The following NCKAP5 variants were observed in gnomAD, a reference collection of about 807,000 sequenced individuals.
NCKAP5 encodes the protein nck-associated protein 5.
In NCKAP5, 92 loss-of-function variants were observed where a neutral mutation model predicts 167.0. The ratio of observed to expected loss-of-function variants is 0.55; its 90% CI spans 0.47 to 0.66. NCKAP5 has a LOEUF of 0.66. Among genes scored for constraint, NCKAP5 ranks in the 30% least tolerant of loss-of-function variants. NCKAP5 has a pLI of 0.00. For missense variants in NCKAP5, 2,378 were observed against 2,315.0 expected (o/e 1.03, Z -0.56); for synonymous variants, 891 against 877.4 (o/e 1.02, Z -0.27).
At chr2:133,655,998 C>T in the NCKAP5 span, among the ~76,000 whole-genome samples, 14 of 152,310 alleles carry the variant, frequency 9.2e-5, no homozygotes, top group South Asian at 2.7e-3. Context: ...GCTAGCTTTC[C>T]TCCACTCTGT....
the NCKAP5 span, among the ~76,000 whole-genome samples, chr2:133,641,498 A>T: frequency 1.3e-5 from 2 of 152,244 alleles, no homozygotes; most frequent in Admixed American, 6.5e-5. Flanking sequence ...GATTTTGGAA[A>T]TAGGATTTCT....
chr2:133,379,545 T>C (rs2150943174), intron 3 of NCKAP5, among the ~76,000 whole-genome samples: 1 of 152,310 alleles, frequency 6.6e-6, no homozygotes, highest in East Asian at 1.9e-4. Context: ...AGGGTAAGAA[T>C]TCAGTAAAAC....
chr2:133,150,617 G>A (rs2083354876), intron 5 of NCKAP5, among the ~76,000 whole-genome samples: 1 of 152,122 alleles, frequency 6.6e-6, no homozygotes. Flanking sequence ...AAAGTAAGCT[G>A]TAACATTTTT....
intron 4 of NCKAP5, among the ~76,000 whole-genome samples, chr2:133,256,924 T>C (rs562329650): frequency 6.6e-6 from 1 of 152,284 alleles, no homozygotes; most frequent in South Asian, 2.1e-4. Flanking sequence ...AGTTAGATAA[T>C]GAGGCTGGAC....
chr2:133,222,632 A>T (rs982492943), intron 4 of NCKAP5, among the ~76,000 whole-genome samples: 1 of 136,920 alleles, frequency 7.3e-6, no homozygotes, highest in Admixed American at 7.3e-5. Flanking sequence ...TTATAAAAAC[A>T]GTTTTGACCC....
intron 6 of NCKAP5, among the ~76,000 whole-genome samples, chr2:133,050,741 C>T (rs1431700792): frequency 1.3e-5 from 2 of 152,146 alleles, no homozygotes; most frequent in East Asian, 1.9e-4. Context: ...CTCAAGGGAG[C>T]TGGTCTACAC....
intron 8 of NCKAP5, among the ~76,000 whole-genome samples, chr2:132,959,581 GACAA>G (rs1488924319): frequency 1.3e-5 from 2 of 152,154 alleles, no homozygotes; most frequent in African/African-American, 4.8e-5. Flanking sequence ...GGGGCCTGCA[GACAA>G]ACAAATCATG....
At chr2:133,067,932 T>C (rs7587674) in intron 6 of NCKAP5, among the ~76,000 whole-genome samples, 6,328 of 152,170 alleles carry the variant, frequency 0.042, 430 homozygotes, top group African/African-American at 0.14. Context: ...ATTGGGATAA[T>C]ACAACCAGAA....
chr2:133,289,557 C>A (rs1249254240), intron 4 of NCKAP5, among the ~76,000 whole-genome samples: 2 of 152,042 alleles, frequency 1.3e-5, no homozygotes, highest in African/African-American at 2.4e-5. Context: ...GACTGGCCAA[C>A]ATGGTGGAAC....
In NCKAP5 at chr2:133,238,044, G is replaced by A. The variant is rs533776328; in HGVS notation, c.144-24265C>T. On this transcript the variant is annotated intron_variant, in intron 4 of 19. Transcript: ENST00000409261. The stretch of plus-strand genomic sequence containing the variant: ...TGTGGCCAATGAAAACTTGTCATTC[G>A]CTCTCATGCAAAAGAGAACACAACT... Among the ~76,000 whole-genome samples the A allele has an allele frequency of 1.1e-4, 16 of 152,228 alleles. 1 individual carries two copies. Among genetic ancestry groups the A allele is most frequent in the African/African-American group, 2.6e-4 (11 of 41,542 alleles).
At chr2:132,752,805 G>GGTA (rs1205781653) in intron 16 of NCKAP5, among the ~76,000 whole-genome samples, 10 of 152,160 alleles carry the variant, frequency 6.6e-5, no homozygotes, top group Non-Finnish European at 1.5e-4. Flanking sequence ...GGAGACCCAG[G>GGTA]AGAGCCGATT....
chr2:133,574,781 AGCCCTAACCCAACAGTCT>A, the NCKAP5 span, among the ~76,000 whole-genome samples: 10 of 152,264 alleles, frequency 6.6e-5, no homozygotes, highest in South Asian at 1.9e-3. Context: ...AGAGTGAGTC[AGCCCTAACCCAACAGTCT>A]GTTCCTAACC....
chr2:132,697,942 T>A (rs1016430010), intron 19 of NCKAP5, among the ~76,000 whole-genome samples: 1 of 152,212 alleles, frequency 6.6e-6, no homozygotes, highest in Non-Finnish European at 1.5e-5. Flanking sequence ...TGTTAAAATG[T>A]GGAAAATATG....
chr2:132,924,062 A>C (rs1695655063), intron 8 of NCKAP5, among the ~76,000 whole-genome samples: 1 of 152,204 alleles, frequency 6.6e-6, no homozygotes, highest in East Asian at 1.9e-4. Context: ...CAGGGTCTGC[A>C]GAGCCAAGTG....
chr2:132,712,459 G>A (rs1349534964), intron 19 of NCKAP5, among the ~76,000 whole-genome samples: 3 of 152,070 alleles, frequency 2.0e-5, no homozygotes, highest in Non-Finnish European at 2.9e-5. Flanking sequence ...GGACCATCCT[G>A]GCTAACACAG....
chr2:133,557,738 T>C (rs1687843206), intron 2 of NCKAP5, among the ~76,000 whole-genome samples: 1 of 152,244 alleles, frequency 6.6e-6, no homozygotes, highest in African/African-American at 2.4e-5. Context: ...GGTGATCCTT[T>C]AACATCTGTT....
chr2:132,941,044 G>A (rs77773044), intron 8 of NCKAP5, among the ~76,000 whole-genome samples: 1 of 152,050 alleles, frequency 6.6e-6, no homozygotes, highest in African/African-American at 2.4e-5. Context: ...TAAAAGTCAA[G>A]TTGCTAGATT....
At chr2:132,931,312 T>A (rs1445589523) in intron 8 of NCKAP5, 1 of 152,220 alleles carries the variant, frequency 6.6e-6, no homozygotes, top group Admixed American at 6.5e-5. Context: ...GCGAATAGAC[T>A]AATAGGCCAA....
intron 16 of NCKAP5, among the ~76,000 whole-genome samples, chr2:132,754,876 A>G (rs1285769257): frequency 6.6e-6 from 1 of 152,236 alleles, no homozygotes; most frequent in African/African-American, 2.4e-5. Context: ...GTCTTCAACT[A>G]AAGTTTCAGA....
Sources: allele counts gnomAD v4.1 joint callset (sites outside exome capture counted in the v4.1 genomes callset), GRCh38; gene constraint gnomAD v4.1.1; transcripts MANE v1.5; gene names NCBI Gene and HGNC (gene_info 2026-07-23, HGNC 2026-07-21).